MARCHF1: variants seen among roughly 807,000 people sequenced by gnomAD.
MARCHF1 encodes E3 ubiquitin-protein ligase MARCHF1.
Under a neutral mutation model 54.2 loss-of-function variants are expected in MARCHF1, and 40 were observed. The observed-to-expected ratio is 0.74, with a 90% CI of 0.57 to 0.96. The LOEUF (loss-of-function observed/expected upper bound fraction) is 0.96, where lower values mean the gene tolerates loss of function less well. Ranked by LOEUF, MARCHF1 falls within the 40% of genes least tolerant of loss-of-function variation. The pLI is 0.00. For synonymous variants in MARCHF1, 236 were observed against 236.3 expected (o/e 1.00, Z 0.01); for missense variants, 586 against 656.5 (o/e 0.89, Z 1.17).
At chr4:163,537,595 C>T (rs1355393777) in intron 9 of MARCHF1, among the ~76,000 whole-genome samples, 4 of 152,148 alleles carry the variant, frequency 2.6e-5, no homozygotes, top group African/African-American at 7.2e-5. Context: ...GTCTGGAATA[C>T]TTTTGCAGGA....
intron 5 of MARCHF1, among the ~76,000 whole-genome samples, chr4:163,630,761 TAGA>T (rs977610488): frequency 2.0e-5 from 3 of 151,042 alleles, no homozygotes; most frequent in Non-Finnish European, 3.0e-5. Context: ...TGTTAAAAAT[TAGA>T]AGAACAAAAG....
chr4:164,010,322 C>A (rs1753394559), intron 2 of MARCHF1, among the ~76,000 whole-genome samples: 2 of 150,912 alleles, frequency 1.3e-5, no homozygotes. Context: ...TGGTCTCAAT[C>A]TCTTGACCTC....
intron 5 of MARCHF1, among the ~76,000 whole-genome samples, chr4:163,672,119 T>C (rs1174565355): frequency 6.6e-6 from 1 of 152,198 alleles, no homozygotes; most frequent in Non-Finnish European, 1.5e-5. Context: ...ACACTAACCA[T>C]GTGATCTTGA....
chr4:163,571,390 C>T (rs950742285), intron 8 of MARCHF1, among the ~76,000 whole-genome samples: 4 of 152,146 alleles, frequency 2.6e-5, no homozygotes, highest in African/African-American at 7.2e-5. Context: ...TGACTGGCCA[C>T]ACGGCAGGTG....
At chr4:163,687,321 C>T (rs1286176763) in intron 5 of MARCHF1, among the ~76,000 whole-genome samples, 2 of 151,648 alleles carry the variant, frequency 1.3e-5, no homozygotes, top group African/African-American at 2.4e-5. Flanking sequence ...TCCACCTCCC[C>T]GGTTCAAGGG....
At chr4:164,045,511 T>TTAAATAAATAAATAAA (rs33998703) in intron 2 of MARCHF1, among the ~76,000 whole-genome samples, 43 of 145,434 alleles carry the variant, frequency 3.0e-4, no homozygotes, top group African/African-American at 1.1e-3. Flanking sequence ...GACTCCATCT[T>TTAAATAAATAAATAAA]TAAATAAATA....
chr4:164,345,573 C>CATAATAATA lies in MARCHF1; in HGVS notation c.-323+38288_-323+38296dup, dbSNP rs5863679. Among the ~76,000 whole-genome samples, 754 of 143,380 alleles carry CATAATAATA rather than the reference C, an allele frequency of 5.3e-3. 4 individuals carry two copies. The highest frequency in any genetic ancestry group is 0.016 in the African/African-American group (608 of 38,854). 94.1% of individuals were successfully genotyped at this position (143,380 alleles called of 152,430 possible). A position where few individuals can be genotyped will look rare whatever the true frequency, so the allele number is the denominator to read the frequency against. ...CAACTGAGCAAGAATCTGTCTCAAA[C>CATAATAATA]ATAATAATAATAATAATAATAATAA... is the stretch of plus-strand genomic sequence containing the variant. On this transcript the variant is annotated intron_variant, in intron 1 of 9. Transcript: ENST00000514618.
At chr4:163,668,262 C>T (rs1561008409) in intron 5 of MARCHF1, among the ~76,000 whole-genome samples, 1 of 152,140 alleles carries the variant, frequency 6.6e-6, no homozygotes, top group Non-Finnish European at 1.5e-5. Flanking sequence ...GAATTTCATT[C>T]AAGAGAACTG....
chr4:164,174,666 T>C (rs1364001461), intron 1 of MARCHF1, among the ~76,000 whole-genome samples: 1 of 152,204 alleles, frequency 6.6e-6, no homozygotes, highest in Non-Finnish European at 1.5e-5. Flanking sequence ...ATTTTTTCTA[T>C]TGGGTTAAAG....
intron 1 of MARCHF1, among the ~76,000 whole-genome samples, chr4:164,170,947 C>T (rs7674676): frequency 0.19 from 28,737 of 151,860 alleles, 4,359 homozygotes; most frequent in African/African-American, 0.41. Flanking sequence ...TGTATGTTAA[C>T]AAAGGCATCA....
intron 1 of MARCHF1, among the ~76,000 whole-genome samples, chr4:164,339,764 C>T (rs1729860486): frequency 6.6e-6 from 1 of 151,812 alleles, no homozygotes; most frequent in Admixed American, 6.6e-5. Context: ...TAAAAAAGAT[C>T]AATGAAACTG....
At chr4:164,047,612 T>G (rs538675189) in intron 2 of MARCHF1, among the ~76,000 whole-genome samples, 1 of 152,242 alleles carries the variant, frequency 6.6e-6, no homozygotes, top group African/African-American at 2.4e-5. Flanking sequence ...ATCTAATGTC[T>G]TCTCATTTTT....
chr4:163,992,833 G>C (rs1019308835), intron 2 of MARCHF1, among the ~76,000 whole-genome samples: 1 of 150,354 alleles, frequency 6.7e-6, no homozygotes, highest in Non-Finnish European at 1.5e-5. Flanking sequence ...ATACAAGACA[G>C]AGAAGTAATA....
At chr4:163,643,158 CAAAA>C (rs34228966) in intron 5 of MARCHF1, among the ~76,000 whole-genome samples, 1,072 of 104,138 alleles carry the variant, frequency 0.01, 17 homozygotes, top group African/African-American at 0.036. Flanking sequence ...ACTATAAATA[CAAAA>C]AAAAAAAAAA....
chr4:164,039,104 G>A (rs78104909), intron 2 of MARCHF1, among the ~76,000 whole-genome samples: 3,719 of 152,198 alleles, frequency 0.024, 139 homozygotes, highest in African/African-American at 0.08. Context: ...ATGCACACAC[G>A]TGTGTAATAG....
intron 5 of MARCHF1, among the ~76,000 whole-genome samples, chr4:163,667,927 G>A (rs1210381410): frequency 6.6e-6 from 1 of 152,026 alleles, no homozygotes; most frequent in East Asian, 1.9e-4. Flanking sequence ...GCGCCTGGCT[G>A]CCAAACTTAA....
intron 1 of MARCHF1, among the ~76,000 whole-genome samples, chr4:164,141,698 T>C (rs1276238683): frequency 1.3e-5 from 2 of 152,240 alleles, no homozygotes; most frequent in Non-Finnish European, 2.9e-5. Flanking sequence ...TTAAAGGTAC[T>C]GTGCAGAAAT....
intron 2 of MARCHF1, among the ~76,000 whole-genome samples, chr4:164,027,036 G>A (rs796542392): frequency 3.8e-4 from 57 of 151,966 alleles, no homozygotes; most frequent in African/African-American, 1.4e-3. Flanking sequence ...GGAAGTGAAA[G>A]ATCTCTATAA....
At chr4:163,896,289 T>C (rs1750804484) in intron 3 of MARCHF1, among the ~76,000 whole-genome samples, 1 of 152,322 alleles carries the variant, frequency 6.6e-6, no homozygotes, top group Admixed American at 6.5e-5. Flanking sequence ...ATCTGGCTGT[T>C]TTCTTTCACC....
Sources: gnomAD v4.1 joint callset for allele counts (sites outside exome capture counted in the v4.1 genomes callset) on GRCh38, gnomAD v4.1.1 for gene constraint, MANE v1.5 for transcripts, NCBI Gene and HGNC (gene_info 2026-07-23, HGNC 2026-07-21) for gene names.